Variants in VRTN observed in about 807,000 individuals in gnomAD.
VRTN encodes the protein vertebrae development associated, also known as vertnin.
A neutral mutation model predicts 18.2 loss-of-function variants in VRTN; 5 were observed. That is an observed-to-expected ratio of 0.27 (90% CI 0.14 to 0.58). The LOEUF is 0.58. Ranked by LOEUF, VRTN falls within the 20% of genes least tolerant of loss-of-function variation. The pLI, the probability that VRTN is intolerant of heterozygous loss-of-function variation, is 0.91. For missense variants in VRTN, 741 were observed against 939.4 expected, an observed-to-expected ratio of 0.79 and a Z score of 2.76; for synonymous variants, 381 against 393.7, an observed-to-expected ratio of 0.97 and a Z score of 0.38.
chr14:74,358,937 A>G lies in VRTN; in HGVS notation c.*45A>G, dbSNP rs759451005. 1.5e-5 allele frequency: 23 copies of G among 1,566,662 alleles called. No homozygotes were observed. Among genetic ancestry groups the G allele is most frequent in the Non-Finnish European group, 2.0e-5 (23 of 1,156,006 alleles). Reference sequence around the variant, plus strand: ...CTGGGAAGAAGGGGGACCAGTTTGGAGAGGGTCAGGGACCTGAGCTGACCC... The same window carrying G: ...CTGGGAAGAAGGGGGACCAGTTTGGGGAGGGTCAGGGACCTGAGCTGACCC... On this transcript the variant is annotated 3_prime_UTR_variant, in exon 2 of 2. Transcript: ENST00000256362. This position sits in a 1 kb window ranked among gnomAD's most constrained non-coding sequence, Gnocchi z 5.4.
At position 74,357,546 on chromosome 14, in the gene VRTN, G is replaced by A. The variant is rs1374688101; in HGVS notation, c.763G>A (p.Ala255Thr). ...GGAGGCTGAAGGTGCCCCTGGCGTG[G>A]CCCCAGCTCTTCCAGCCCTGGCCCC... ...EVEAEGAPGV[A>T]PALPALAPLS... is the part of the protein sequence containing the mutation. The change falls in exon 2 of 2, where the codon GCC (alanine) becomes ACC (threonine). Residue 255 changes from alanine (A) to threonine (T), a missense_variant. Around this residue, in one of 3 missense-constraint regions of VRTN, gnomAD observed 494 missense variants for 546.5 expected, o/e 0.90. Transcript: ENST00000256362. The surrounding 1 kb of genome is among the most constrained non-coding windows in gnomAD (Gnocchi z 7.8). 1 of 1,613,548 alleles carries A rather than the reference G, an allele frequency of 6.2e-7. No individual in the cohort carries two copies. The highest frequency in any genetic ancestry group is 8.5e-7 in the Non-Finnish European group (1 of 1,179,980).
chr14:74,344,244 T>TCCAAAAAAAAAAAAAAAAAAAAAAAAAA (rs760737512), upstream of VRTN, among the ~76,000 whole-genome samples: 1 of 2,476 alleles, frequency 4.0e-4, no homozygotes, highest in Admixed American at 2.7e-3. Flanking sequence ...CTCTGCTTTC[T>TCCAAAAAAAAAAAAAAAAAAAAAAAAAA]ACAAAAAAAA....
intron 1 of VRTN, among the ~76,000 whole-genome samples, chr14:74,314,732 A>G: frequency 6.6e-6 from 1 of 152,150 alleles, no homozygotes; most frequent in East Asian, 1.9e-4. Context: ...GCTTAGATTC[A>G]GTGAAGCATG....
At chr14:74,306,172 A>ATATATATATATT (rs1303177798) in intron 1 of VRTN, 2 of 75,646 alleles carry the variant, frequency 2.6e-5, no homozygotes, top group Non-Finnish European at 5.4e-5. Flanking sequence ...ATATATATAT[A>ATATATATATATT]TTTTTTTTTT....
intron 1 of VRTN, among the ~76,000 whole-genome samples, chr14:74,316,395 C>T (rs1414295789): frequency 6.6e-6 from 1 of 151,786 alleles, no homozygotes; most frequent in Admixed American, 6.6e-5. Flanking sequence ...CGCCTCTAGT[C>T]CCAGCTACTT....
chr14:74,310,076 T>G (rs2140191427), intron 1 of VRTN, among the ~76,000 whole-genome samples: 1 of 152,192 alleles, frequency 6.6e-6, no homozygotes, highest in East Asian at 1.9e-4. Flanking sequence ...ACACCCTCAC[T>G]GTGTAGAATA....
At chr14:74,315,021 G>C (rs1014627941) in intron 1 of VRTN, among the ~76,000 whole-genome samples, 1 of 152,174 alleles carries the variant, frequency 6.6e-6, no homozygotes, top group East Asian at 1.9e-4. Context: ...AAGAAGAAGG[G>C]TTCTAGTTTC....
At chr14:74,327,186 T>G (rs1292736820) in intron 1 of VRTN, among the ~76,000 whole-genome samples, 2 of 152,206 alleles carry the variant, frequency 1.3e-5, no homozygotes, top group Non-Finnish European at 2.9e-5. Flanking sequence ...GCGTCGCATC[T>G]GTTTCCTCAT....
At chr14:74,345,567 C>A (rs368621583), upstream of VRTN, among the ~76,000 whole-genome samples, 21 of 150,800 alleles carry the variant, frequency 1.4e-4, no homozygotes, top group South Asian at 8.4e-4. Flanking sequence ...GGTGAAACAC[C>A]CAGTTGCACC....
chr14:74,341,694 T>C (rs2085606471), intron 2 of VRTN, among the ~76,000 whole-genome samples: 1 of 152,244 alleles, frequency 6.6e-6, no homozygotes, highest in African/African-American at 2.4e-5. Context: ...AGTTTTTGTA[T>C]TTTTAGTAGA....
intron 1 of VRTN, among the ~76,000 whole-genome samples, chr14:74,332,740 A>G (rs1175836056): frequency 6.6e-6 from 1 of 151,678 alleles, no homozygotes; most frequent in African/African-American, 2.4e-5. Context: ...CTCTTTTCAC[A>G]TTGCTTGAAT....
chr14:74,340,111 T>A (rs2085591316), intron 2 of VRTN, among the ~76,000 whole-genome samples: 1 of 34,916 alleles, frequency 2.9e-5, no homozygotes, highest in Non-Finnish European at 4.8e-5. Context: ...AATGTTTGTA[T>A]TTTTTTTTTT....
intron 1 of VRTN, among the ~76,000 whole-genome samples, chr14:74,310,786 C>T (rs529420870): frequency 2.6e-5 from 4 of 152,192 alleles, no homozygotes; most frequent in Non-Finnish European, 5.9e-5. Context: ...GATCCGCCCA[C>T]CTTGGCCTCC....
chr14:74,353,834 T>TCA (rs2085704200), intron 1 of VRTN, among the ~76,000 whole-genome samples: 2 of 152,182 alleles, frequency 1.3e-5, no homozygotes, highest in Admixed American at 1.3e-4. Flanking sequence ...GCCATTCTCC[T>TCA]GCCTCAGCCT....
rs552304062 is a variant in VRTN, at chr14:74,355,566, G to A, written c.-1-1217G>A. ...ATTTATTTATTTGAGACAGAGTCTC[G>A]GTCTGTCACCCATGCTTGAGCACAG... On this transcript the variant is annotated intron_variant, in intron 1 of 1. Transcript: ENST00000256362. 7.2e-5 allele frequency among the ~76,000 whole-genome samples: 11 copies of A among 151,862 alleles called. No homozygotes were observed. The South Asian group carries it at 2.1e-3, about 29-fold the overall frequency.
chr14:74,329,617 T>C (rs112694935), intron 1 of VRTN, among the ~76,000 whole-genome samples: 17,520 of 150,760 alleles, frequency 0.12, 2,066 homozygotes, highest in African/African-American at 0.3. Context: ...CTCACTCTGT[T>C]GCCCAGGCTG....
At chr14:74,316,700 G>T (rs1416602020) in intron 1 of VRTN, among the ~76,000 whole-genome samples, 4 of 141,400 alleles carry the variant, frequency 2.8e-5, no homozygotes, top group Non-Finnish European at 6.1e-5. Context: ...GCAGTGTCGT[G>T]ATCTCGGCTC....
intron 1 of VRTN, among the ~76,000 whole-genome samples, chr14:74,351,969 G>A (rs1194668645): frequency 6.6e-6 from 1 of 151,624 alleles, no homozygotes; most frequent in African/African-American, 2.4e-5. Context: ...TCAGCCTCCC[G>A]AGTAGCTGGG....
chr14:74,317,770 C>T lies in VRTN; in HGVS notation c.-164+14594C>T, dbSNP rs368440847. 4.1e-4 allele frequency among the ~76,000 whole-genome samples: 63 copies of T among 152,118 alleles called. 1 individual carries two copies. The highest frequency in any genetic ancestry group is 1.4e-3 in the African/African-American group (59 of 41,500). On this transcript the variant is annotated intron_variant, in intron 1 of 2. Coordinates refer to the VRTN transcript ENST00000557177. ...TGAGCAGAGTTCGTGCCACTATACT[C>T]CAGCCTGGAGGATACAGTGAGACTC...
Sources: allele counts gnomAD v4.1 joint callset (sites outside exome capture counted in the v4.1 genomes callset), GRCh38; gene constraint gnomAD v4.1.1; regional missense constraint gnomAD v4.1.1; non-coding constraint Gnocchi (gnomAD v3.1); transcripts MANE v1.5; gene names NCBI Gene and HGNC (gene_info 2026-07-23, HGNC 2026-07-21).